The following PTPRD variants were observed in gnomAD, a reference collection of about 807,000 sequenced individuals.
PTPRD encodes receptor-type tyrosine-protein phosphatase delta.
PTPRD carries 34 observed loss-of-function variants against 214.5 expected under a neutral mutation model. That is an observed-to-expected ratio of 0.16 (90% CI 0.12 to 0.21). PTPRD has a LOEUF of 0.21. PTPRD is among the 10% of genes least tolerant of loss of function. The pLI, the probability that PTPRD is intolerant of heterozygous loss-of-function variation, is 1.00. For synonymous variants in PTPRD, 1,128 were observed against 845.7 expected (o/e 1.33, Z -5.79); for missense variants, 2,545 against 2,398.7 (o/e 1.06, Z -1.27).
intron 3 of PTPRD, among the ~76,000 whole-genome samples, chr9:10,138,149 A>G (rs1447261538): frequency 2.6e-5 from 4 of 152,070 alleles, no homozygotes; most frequent in Non-Finnish European, 4.4e-5. Flanking sequence ...TAGCTAGATA[A>G]ACAAAGAGAA....
intron 2 of PTPRD, among the ~76,000 whole-genome samples, chr9:10,450,263 AACAT>A (rs2098831845): frequency 6.6e-6 from 1 of 151,530 alleles, no homozygotes; most frequent in African/African-American, 2.4e-5. Context: ...TAAATAAATA[AACAT>A]AAATAAATAA....
At chr9:8,477,549 T>C (rs1001348359) in intron 30 of PTPRD, among the ~76,000 whole-genome samples, 1 of 152,182 alleles carries the variant, frequency 6.6e-6, no homozygotes, top group African/African-American at 2.4e-5. Context: ...TTCTCAAACA[T>C]GTTATTTAAC....
intron 14 of PTPRD, among the ~76,000 whole-genome samples, chr9:8,529,515 T>A (rs1274909634): frequency 6.6e-6 from 1 of 152,162 alleles, no homozygotes; most frequent in Non-Finnish European, 1.5e-5. Flanking sequence ...AAGATCTGCA[T>A]CATTTTCAGT....
intron 8 of PTPRD, among the ~76,000 whole-genome samples, chr9:9,490,799 G>T (rs1410445412): frequency 6.6e-6 from 1 of 151,754 alleles, no homozygotes; most frequent in Non-Finnish European, 1.5e-5. Context: ...AGTGATGCAG[G>T]AAATGAGGGA....
intron 7 of PTPRD, among the ~76,000 whole-genome samples, chr9:9,632,360 G>T (rs1593588124): frequency 7.0e-6 from 1 of 142,756 alleles, no homozygotes; most frequent in South Asian, 2.1e-4. Flanking sequence ...GTCCAGAATA[G>T]GCAAATCTTT....
intron 2 of PTPRD, among the ~76,000 whole-genome samples, chr9:10,488,566 A>G (rs1376083599): frequency 6.6e-6 from 1 of 152,064 alleles, no homozygotes; most frequent in Admixed American, 6.6e-5. Context: ...CTAGGCCTCA[A>G]GAGTTTTTGG....
intron 3 of PTPRD, among the ~76,000 whole-genome samples, chr9:10,067,865 C>T (rs553098125): frequency 1.3e-4 from 19 of 151,970 alleles, no homozygotes; most frequent in South Asian, 8.3e-4. Flanking sequence ...GATTGTAGCA[C>T]TTGCCAATTT....
intron 5 of PTPRD, among the ~76,000 whole-genome samples, chr9:9,895,786 A>T (rs2074793045): frequency 6.6e-6 from 1 of 152,134 alleles, no homozygotes; most frequent in Non-Finnish European, 1.5e-5. Flanking sequence ...ATTTCAGTTT[A>T]GTGCTCATGG....
intron 9 of PTPRD, among the ~76,000 whole-genome samples, chr9:9,273,608 G>T (rs73641284): frequency 6.6e-6 from 1 of 151,258 alleles, no homozygotes; most frequent in Non-Finnish European, 1.5e-5. Flanking sequence ...GATATCAGAA[G>T]TCTTCAAAAT....
At chr9:8,808,462 C>CT (rs34627797) in intron 11 of PTPRD, among the ~76,000 whole-genome samples, 5,200 of 98,658 alleles carry the variant, frequency 0.053, 191 homozygotes, top group African/African-American at 0.15. Flanking sequence ...AGCCCCCCAC[C>CT]TTTTTTTTTT....
chr9:10,479,402 C>A (rs929928513), intron 2 of PTPRD, among the ~76,000 whole-genome samples: 1 of 151,978 alleles, frequency 6.6e-6, no homozygotes, highest in Non-Finnish European at 1.5e-5. Context: ...TTGAAAGCCC[C>A]TAGTGGTGGG....
intron 2 of PTPRD, among the ~76,000 whole-genome samples, chr9:10,410,739 A>T (rs2098425667): frequency 6.6e-6 from 1 of 151,828 alleles, no homozygotes; most frequent in Non-Finnish European, 1.5e-5. Flanking sequence ...AATCTTAACA[A>T]GTGTGATCAA....
At chr9:8,414,935 G>T (rs2093807550) in intron 35 of PTPRD, among the ~76,000 whole-genome samples, 1 of 54,590 alleles carries the variant, frequency 1.8e-5, no homozygotes, top group Non-Finnish European at 3.7e-5. Flanking sequence ...GAGGGGGAGA[G>T]AGAGAGAGAG....
chr9:9,977,395 AG>A (rs1465676699), intron 4 of PTPRD, among the ~76,000 whole-genome samples: 8 of 152,198 alleles, frequency 5.3e-5, no homozygotes, highest in African/African-American at 9.7e-5. Flanking sequence ...ATATTTCTGA[AG>A]GAGGAGAGCC....
At chr9:9,838,234 T>G (rs957586110) in intron 5 of PTPRD, among the ~76,000 whole-genome samples, 2 of 152,184 alleles carry the variant, frequency 1.3e-5, no homozygotes, top group Non-Finnish European at 2.9e-5. Context: ...AACATAGGTG[T>G]GCATGTGTCT....
At chr9:9,882,792 G>C (rs949975060) in intron 5 of PTPRD, among the ~76,000 whole-genome samples, 3 of 151,762 alleles carry the variant, frequency 2.0e-5, no homozygotes, top group Admixed American at 2.0e-4. Flanking sequence ...CAAATCTCAT[G>C]TTGAAATGTA....
intron 3 of PTPRD, among the ~76,000 whole-genome samples, chr9:10,034,603 G>A (rs1445811338): frequency 6.6e-6 from 1 of 151,718 alleles, no homozygotes; most frequent in Non-Finnish European, 1.5e-5. Flanking sequence ...AGGCCCCAGT[G>A]TATGTTATTA....
At chr9:10,221,748 A>G (rs1222505467) in intron 3 of PTPRD, among the ~76,000 whole-genome samples, 1 of 151,964 alleles carries the variant, frequency 6.6e-6, no homozygotes, top group Admixed American at 6.6e-5. Flanking sequence ...ATGTATAGCA[A>G]CTAAATTATT....
chr9:9,711,123 T>C (rs750938486), intron 7 of PTPRD, among the ~76,000 whole-genome samples: 9 of 152,174 alleles, frequency 5.9e-5, no homozygotes, highest in Non-Finnish European at 1.0e-4. Context: ...AATAAGCAGG[T>C]AAATTATTGT....
Sources: gnomAD v4.1 joint callset for allele counts (sites outside exome capture counted in the v4.1 genomes callset) on GRCh38, gnomAD v4.1.1 for gene constraint, MANE v1.5 for transcripts, NCBI Gene and HGNC (gene_info 2026-07-23, HGNC 2026-07-21) for gene names.